NMNAT2: variants seen among roughly 807,000 people sequenced by gnomAD.
The protein encoded by NMNAT2 is nicotinamide nucleotide adenylyltransferase 2, also known as nicotinamide/nicotinic acid mononucleotide adenylyltransferase 2.
A neutral mutation model predicts 41.6 loss-of-function variants in NMNAT2; 11 were observed. That is an observed-to-expected ratio of 0.26 (90% CI 0.17 to 0.44). The LOEUF (loss-of-function observed/expected upper bound fraction) is 0.44. NMNAT2 is among the 20% of genes least tolerant of loss of function. NMNAT2 has a pLI of 1.00. For missense variants in NMNAT2, 288 were observed against 407.7 expected (o/e 0.71, Z 2.53); for synonymous variants, 148 against 151.2 (o/e 0.98, Z 0.16).
chr1:183,261,247 G>A lies in NMNAT2; in HGVS notation c.708C>T (p.Asp236=). 1.9e-6 allele frequency: 3 copies of A among 1,614,136 alleles called. No homozygotes were observed. The highest frequency in any genetic ancestry group is 2.5e-6 in the Non-Finnish European group (3 of 1,180,028). ...AGGAGTGATTCATGATTCGGTCTGT[G>A]TCGGCTGCATCCCGGGGCACCACCA... The part of the protein sequence containing the change: ...GIVVVPRDAA[D]TDRIMNHSSI... Residue 236 remains aspartate, a synonymous_variant, in exon 9 of 11, where the codon GAC becomes GAT. Coordinates refer to ENST00000287713, the MANE Select transcript of NMNAT2 (RefSeq NM_015039.4).
chr1:183,373,657 GC>G (rs1156296701), intron 1 of NMNAT2, among the ~76,000 whole-genome samples: 1 of 146,092 alleles, frequency 6.8e-6, no homozygotes, highest in Non-Finnish European at 1.5e-5. Flanking sequence ...TCACTCTGTT[GC>G]CCAGGCTGGA....
chr1:183,292,684 C>G (rs1661575172), intron 3 of NMNAT2, 106 bp downstream of exon 3: 16 of 1,027,834 alleles, frequency 1.6e-5, no homozygotes, highest in Non-Finnish European at 2.4e-5. Context: ...CCCTGCCTCC[C>G]CATCCTTTCA....
chr1:183,349,738 G>A (rs1435256961), intron 1 of NMNAT2, among the ~76,000 whole-genome samples: 1 of 152,218 alleles, frequency 6.6e-6, no homozygotes, highest in African/African-American at 2.4e-5. Context: ...GGTGTAAGGA[G>A]GGCAGGAGAT....
chr1:183,290,299 C>T (rs1175633454), intron 3 of NMNAT2, 93 bp from the exon 4 acceptor site: 3 of 981,484 alleles, frequency 3.1e-6, no homozygotes, highest in Non-Finnish European at 4.6e-6. Context: ...GGAAGCATGG[C>T]AGATCTGGCC....
At chr1:183,377,882 T>C (rs905123558) in intron 1 of NMNAT2, among the ~76,000 whole-genome samples, 4 of 152,164 alleles carry the variant, frequency 2.6e-5, no homozygotes, top group African/African-American at 4.8e-5. Flanking sequence ...AAGGATCAGA[T>C]AGGTAATTTT....
intron 1 of NMNAT2, among the ~76,000 whole-genome samples, chr1:183,319,548 C>T (rs1023644375): frequency 5.3e-5 from 8 of 152,256 alleles, no homozygotes; most frequent in Non-Finnish European, 1.2e-4. Flanking sequence ...GCGCCTCTGG[C>T]CAAGGCCAGG....
intron 1 of NMNAT2, among the ~76,000 whole-genome samples, chr1:183,394,121 CT>C (rs2101923007): frequency 6.6e-6 from 1 of 152,332 alleles, no homozygotes; most frequent in African/African-American, 2.4e-5. Context: ...CCACTAATAA[CT>C]TATTAACATG....
At chr1:183,325,665 G>A (rs747902428) in intron 1 of NMNAT2, among the ~76,000 whole-genome samples, 1 of 152,174 alleles carries the variant, frequency 6.6e-6, no homozygotes, top group Non-Finnish European at 1.5e-5. Context: ...GTAGCAAACA[G>A]ATAAGTCTGT....
At position 183,329,528 on chromosome 1, in the gene NMNAT2, CA is replaced by C. The variant is rs1662536220; in HGVS notation, c.86-35736del. ...TCGGCTGGATAAGAATAGCTTTTAG[CA>C]ATTTCTTACTGAGCCTGCCATGGGG... On this transcript the variant is annotated intron_variant, in intron 1 of 10. Coordinates refer to ENST00000287713, the MANE Select transcript of NMNAT2 (RefSeq NM_015039.4). Among the ~76,000 whole-genome samples, 3 of 152,252 alleles carry C rather than the reference CA, an allele frequency of 2.0e-5. No homozygotes were observed. The South Asian group carries it at 6.2e-4, about 32-fold the overall frequency.
At position 183,316,222 on chromosome 1, in the gene NMNAT2, T is replaced by C. The variant is rs564254864; in HGVS notation, c.86-22429A>G. Among the ~76,000 whole-genome samples the C allele has an allele frequency of 1.1e-4, 17 of 152,224 alleles. No homozygotes were observed. In the South Asian group the frequency reaches 3.3e-3, roughly 30 times the overall value. On this transcript the variant is annotated intron_variant, in intron 1 of 10. Transcript: ENST00000287713. ...TCCCAGGGACTTCCTCCCTGGAATCTGGAATTCATTTTGGCACAGGTCATG... is the reference window on the plus strand; with the variant it reads ...TCCCAGGGACTTCCTCCCTGGAATCCGGAATTCATTTTGGCACAGGTCATG...
At chr1:183,286,825 C>A in intron 4 of NMNAT2, 37 bp from the exon 5 acceptor site, 1 of 1,587,456 alleles carries the variant, frequency 6.3e-7, no homozygotes, top group East Asian at 2.3e-5. Flanking sequence ...AGTCATGTGA[C>A]TTTGAGAATC....
chr1:183,268,054 A>G (rs1010083135), intron 8 of NMNAT2, among the ~76,000 whole-genome samples: 2 of 151,942 alleles, frequency 1.3e-5, no homozygotes, highest in African/African-American at 4.8e-5. Flanking sequence ...AAGGCTCCCC[A>G]GGGGAGGTAG....
intron 1 of NMNAT2, among the ~76,000 whole-genome samples, chr1:183,314,244 G>T (rs1465397854): frequency 6.6e-6 from 1 of 152,174 alleles, no homozygotes; most frequent in African/African-American, 2.4e-5. Context: ...TGAACCTGCT[G>T]CATGCCCTTT....
At position 183,345,891 on chromosome 1, in the gene NMNAT2, T is replaced by C. The variant is rs185455000; in HGVS notation, c.86-52098A>G. Reference sequence around the variant, plus strand: ...TTAGTAGAGACAGGGTCTCACCGTGTTCGCCAGGATGGTCTCGATCTCCTG... The same window carrying C: ...TTAGTAGAGACAGGGTCTCACCGTGCTCGCCAGGATGGTCTCGATCTCCTG... On this transcript the variant is annotated intron_variant, in intron 1 of 10. Transcript: ENST00000287713. Among the ~76,000 whole-genome samples, 309 of 152,210 alleles carry C rather than the reference T, an allele frequency of 2.0e-3. 2 individuals carry two copies. The highest frequency in any genetic ancestry group is 3.3e-3 in the Non-Finnish European group (227 of 68,004).
chr1:183,324,577 G>A (rs915804447), intron 1 of NMNAT2, among the ~76,000 whole-genome samples: 7 of 152,090 alleles, frequency 4.6e-5, no homozygotes, highest in African/African-American at 1.4e-4. Flanking sequence ...AACCAACAGC[G>A]CAAACCACTC....
rs113682226 is a variant in NMNAT2 at position 183,253,147 on chromosome 1, G to T, written c.822-404C>A. On this transcript the variant is annotated intron_variant, in intron 10 of 10. Transcript: ENST00000287713. ...TCTTTTTTCTCAAATAAATTGTATT[G>T]TGTATATTTAAGTCATACAATCTGA... 2.1e-3 allele frequency among the ~76,000 whole-genome samples: 314 copies of T among 151,200 alleles called. 2 individuals carry two copies. Among genetic ancestry groups the T allele is most frequent in the African/African-American group, 6.7e-3 (275 of 41,292 alleles).
chr1:183,404,637 C>T (rs1255564811), intron 1 of NMNAT2, among the ~76,000 whole-genome samples: 1 of 152,174 alleles, frequency 6.6e-6, no homozygotes, highest in African/African-American at 2.4e-5. Context: ...CCAATAGGAG[C>T]TCTACTCTGG....
intron 8 of NMNAT2, among the ~76,000 whole-genome samples, chr1:183,265,196 C>T (rs1333152687): frequency 1.3e-5 from 2 of 151,392 alleles, no homozygotes; most frequent in African/African-American, 4.9e-5. Flanking sequence ...ATCCACTCCC[C>T]TCAAAGAAAT....
rs75457513 is a variant in NMNAT2, at chr1:183,369,939, C to T, written c.85+48244G>A. ...AGTTTAAATAAATTGCCCAAGGAAA[C>T]ACCACGAGCAAACAGAAGAGCTGGG... On this transcript the variant is annotated intron_variant, in intron 1 of 10. Coordinates refer to ENST00000287713, the MANE Select transcript of NMNAT2 (RefSeq NM_015039.4). Among the ~76,000 whole-genome samples, 75 of 152,140 alleles carry T rather than the reference C, an allele frequency of 4.9e-4. No homozygotes were observed. The East Asian group carries it at 0.013, about 26-fold the overall frequency.
Sources: gnomAD v4.1 joint callset for allele counts (sites outside exome capture counted in the v4.1 genomes callset) on GRCh38, gnomAD v4.1.1 for gene constraint, MANE v1.5 for transcripts, NCBI Gene and HGNC (gene_info 2026-07-23, HGNC 2026-07-21) for gene names.